The following METTL9 variants were observed in gnomAD, a reference collection of about 807,000 sequenced individuals.
METTL9 encodes the protein methyltransferase 9, His-X-His N1(pi)-histidine, also known as protein-L-histidine N-pros-methyltransferase.
A neutral mutation model predicts 36.0 loss-of-function variants in METTL9; 10 were observed. The ratio of observed to expected loss-of-function variants is 0.28; its 90% CI spans 0.17 to 0.47. The LOEUF (loss-of-function observed/expected upper bound fraction) is 0.47. METTL9 is among the 20% of genes least tolerant of loss of function. The probability of loss-of-function intolerance (pLI) is 0.99; values close to 1 mark genes in which losing one functional copy is unlikely to be tolerated. For synonymous variants in METTL9, 175 were observed against 149.7 expected, an observed-to-expected ratio of 1.17 and a Z score of -1.23; for missense variants, 246 against 383.5, an observed-to-expected ratio of 0.64 and a Z score of 3.00.
At chr16:21,627,126 G>GCCA in intron 4 of METTL9, 1 of 985,264 alleles carries the variant, frequency 1.0e-6, no homozygotes. Context: ...TTGCAGGCGC[G>GCCA]CCACGGCACT....
intron 4 of METTL9, among the ~76,000 whole-genome samples, chr16:21,644,070 C>G (rs1420495587): frequency 6.6e-6 from 1 of 152,098 alleles, no homozygotes; most frequent in East Asian, 1.9e-4. Flanking sequence ...AAAGAGAAAA[C>G]AGCAAACTAT....
At chr16:21,620,518 C>T (rs1053518502) in intron 3 of METTL9, among the ~76,000 whole-genome samples, 2 of 152,168 alleles carry the variant, frequency 1.3e-5, no homozygotes, top group African/African-American at 4.8e-5. Context: ...CCGCCCCAGC[C>T]TTCTTTTGCT....
At chr16:21,651,664 AC>A (rs1394398033) in intron 4 of METTL9, among the ~76,000 whole-genome samples, 7 of 151,622 alleles carry the variant, frequency 4.6e-5, no homozygotes, top group Non-Finnish European at 1.0e-4. Flanking sequence ...AGTACAGTCA[AC>A]CCCCTGCCAT....
intron 4 of METTL9, among the ~76,000 whole-genome samples, chr16:21,649,684 A>G (rs1966518766): frequency 6.6e-6 from 1 of 152,166 alleles, no homozygotes; most frequent in African/African-American, 2.4e-5. Flanking sequence ...ATTATTTTTA[A>G]AAAGTGGACG....
rs1047391993 is a variant in METTL9, at chr16:21,603,779, T to A, written c.165+3881T>A. ...ACCAAACCACAACGATTTCTCCGGGTGACATACTGCAAGGTTTTTTAAAAG... is the reference window on the plus strand; with the variant it reads ...ACCAAACCACAACGATTTCTCCGGGAGACATACTGCAAGGTTTTTTAAAAG... On this transcript the variant is annotated intron_variant, in intron 1 of 4. Transcript: ENST00000358154. 4.6e-5 allele frequency among the ~76,000 whole-genome samples: 7 copies of A among 152,060 alleles called. 1 individual carries two copies. The highest frequency in any genetic ancestry group is 1.0e-4 in the Non-Finnish European group (7 of 68,014).
At chr16:21,631,055 CAG>C (rs1478153710) in intron 4 of METTL9, among the ~76,000 whole-genome samples, 1 of 152,134 alleles carries the variant, frequency 6.6e-6, no homozygotes, top group Non-Finnish European at 1.5e-5. Context: ...TCACTATTGC[CAG>C]AGAGTCTATT....
At chr16:21,643,527 T>A in intron 4 of METTL9, 6 of 1,501,182 alleles carry the variant, frequency 4.0e-6, no homozygotes, top group Non-Finnish European at 5.5e-6. Flanking sequence ...TAAAAAATAT[T>A]TTTCAAGTGT....
At chr16:21,605,292 T>C (rs1174404271) in intron 1 of METTL9, among the ~76,000 whole-genome samples, 1 of 100,590 alleles carries the variant, frequency 9.9e-6, no homozygotes, top group African/African-American at 3.8e-5. Flanking sequence ...TTTTTTTTTT[T>C]TTTTGAGAAA....
intron 4 of METTL9, chr16:21,641,600 TAATA>T (rs768383044): frequency 2.6e-6 from 4 of 1,544,984 alleles, no homozygotes; most frequent in Admixed American, 1.7e-5. Context: ...TCTCCTGCAA[TAATA>T]AATAAATAGA....
In METTL9 at chr16:21,655,485, G is replaced by A; in HGVS notation, c.*53G>A. On this transcript the variant is annotated 3_prime_UTR_variant, in exon 5 of 5. Transcript: ENST00000358154. ...CCGCACCCTCCGGGATGTGCCCTTG[G>A]AAGAGGGTCTGTGTTCACAATTACG... 1 of 1,476,062 alleles carries A rather than the reference G, an allele frequency of 6.8e-7. No homozygotes were observed. Among genetic ancestry groups the A allele is most frequent in the Non-Finnish European group, 9.3e-7 (1 of 1,069,542 alleles). The allele number at this position is 1,476,062 out of a possible 1,614,324, so 91.4% of individuals were successfully genotyped here.
At chr16:21,606,874 G>T (rs571900808) in intron 1 of METTL9, among the ~76,000 whole-genome samples, 125 of 152,210 alleles carry the variant, frequency 8.2e-4, no homozygotes, top group African/African-American at 3.0e-3. Flanking sequence ...TTTGTATTTT[G>T]GGAATGTTGT....
At chr16:21,626,927 C>G in intron 4 of METTL9, 1 of 981,814 alleles carries the variant, frequency 1.0e-6, no homozygotes, top group Non-Finnish European at 1.2e-6. Context: ...CCTTGTGTTT[C>G]TGATGCTAAA....
rs528285623 is a variant in METTL9, at chr16:21,626,499, T to C, written c.751+1384T>C. Among the ~76,000 whole-genome samples, 3 of 152,288 alleles carry C rather than the reference T, an allele frequency of 2.0e-5. No individual in the cohort carries two copies. In the South Asian group the frequency reaches 6.2e-4, roughly 32 times the overall value. ...TTTACCAAATGGTTTCAGATTTGTG[T>C]TGATAATGGGGAAAATGGGGAATTC... On this transcript the variant is annotated intron_variant, in intron 4 of 4. Coordinates refer to ENST00000358154, the MANE Select transcript of METTL9 (RefSeq NM_016025.5).
At position 21,643,466 on chromosome 16, in the gene METTL9, T is replaced by C. The variant is rs147219553; in HGVS notation, c.752-11761T>C. The C allele has an allele frequency of 9.8e-4, 880 of 900,552 alleles. 12 individuals carry two copies. In the African/African-American group the frequency reaches 0.013, roughly 13 times the overall value. The allele number at this position is 900,552 out of a possible 1,614,324, so 55.8% of individuals were successfully genotyped here. ...TGTTTAAACTTAACATTTAAATATT[T>C]AAAAGCTAAAAAATATTTCAGTTTT... On this transcript the variant is annotated intron_variant, in intron 4 of 4. Transcript: ENST00000358154.
intron 1 of METTL9, among the ~76,000 whole-genome samples, chr16:21,605,382 T>A (rs1429508082): frequency 6.9e-6 from 1 of 145,110 alleles, no homozygotes; most frequent in Non-Finnish European, 1.5e-5. Context: ...CTGGCCTCAG[T>A]ACATCCTCCT....
At chr16:21,619,307 G>T (rs191894843) in intron 3 of METTL9, among the ~76,000 whole-genome samples, 87 of 152,168 alleles carry the variant, frequency 5.7e-4, no homozygotes, top group Non-Finnish European at 1.1e-3. Flanking sequence ...AAGGGTTTCA[G>T]TTTCTCCACT....
At chr16:21,604,707 A>C (rs1003954755) in intron 1 of METTL9, among the ~76,000 whole-genome samples, 3 of 152,226 alleles carry the variant, frequency 2.0e-5, no homozygotes, top group Non-Finnish European at 4.4e-5. Flanking sequence ...GTAAAATCTT[A>C]GAATGTGAAT....
At chr16:21,619,059 C>T (rs538938893) in intron 3 of METTL9, among the ~76,000 whole-genome samples, 1 of 152,104 alleles carries the variant, frequency 6.6e-6, no homozygotes, top group Non-Finnish European at 1.5e-5. Flanking sequence ...TTTGTTTACC[C>T]ATTTATCTGT....
chr16:21,612,755 G>T lies in METTL9; in HGVS notation c.276G>T (p.Ser92=), dbSNP rs768404821. The T allele has an allele frequency of 1.2e-6, 2 of 1,613,052 alleles. No individual in the cohort carries two copies. Among genetic ancestry groups the T allele is most frequent in the Non-Finnish European group, 1.7e-6 (2 of 1,179,728 alleles). Residue 92 remains serine, a synonymous_variant, in exon 2 of 5, where the codon TCG becomes TCT. Coordinates refer to ENST00000358154, the MANE Select transcript of METTL9 (RefSeq NM_016025.5). ...QIFLNNSIEK[S]GWLFIQLYHS... is the part of the protein sequence containing the mutation. ...TCTTAAACAACAGCATTGAGAAATC[G>T]GGCTGGCTATTTATCCAATTATATC...
Sources: allele counts gnomAD v4.1 joint callset (sites outside exome capture counted in the v4.1 genomes callset), GRCh38; gene constraint gnomAD v4.1.1; transcripts MANE v1.5; gene names NCBI Gene and HGNC (gene_info 2026-07-23, HGNC 2026-07-21).